Variants in ACTA1 observed in about 807,000 individuals in gnomAD.
The protein encoded by ACTA1 is actin, alpha skeletal muscle.
Under a neutral mutation model 35.8 loss-of-function variants are expected in ACTA1, and 25 were observed. The ratio of observed to expected loss-of-function variants is 0.70; its 90% CI spans 0.51 to 0.97. ACTA1 has a LOEUF of 0.97. Among genes scored for constraint, ACTA1 ranks in the 50% least tolerant of loss-of-function variants. The pLI, the probability that ACTA1 is intolerant of heterozygous loss-of-function variation, is 0.00. For missense variants in ACTA1, 174 were observed against 533.0 expected, an observed-to-expected ratio of 0.33 and a Z score of 6.63; for synonymous variants, 219 against 217.1, an observed-to-expected ratio of 1.01 and a Z score of -0.08.
At position 229,432,365 on chromosome 1, in the gene ACTA1, G is replaced by A. The variant is rs1057519311; in HGVS notation, c.521C>T (p.Pro174Leu). 6.2e-7 allele frequency: 1 copy of A among 1,613,726 alleles called. No individual in the cohort carries two copies. Among genetic ancestry groups the A allele is most frequent in the Non-Finnish European group, 8.5e-7 (1 of 1,179,870 alleles). The part of the protein sequence containing the change: ...NVPIYEGYAL[P>L]HAIMRLDLAG... ...CAGGTCCAGGCGCATGATGGCGTGC[G>A]GCAGCGCGTAGCCCTCATAAATGGG... The change falls in exon 4 of 7, where the codon CCG becomes CTG. Residue 174 changes from proline (P) to leucine (L), a missense_variant. Pro to Leu is a moderately conservative substitution (Grantham distance 98, BLOSUM62 -3). Coordinates refer to ENST00000366684, the MANE Select transcript of ACTA1 (RefSeq NM_001100.4).
Position 229,432,918 on chromosome 1 carries a change from T to C in ACTA1, c.130-38A>G, listed in dbSNP as rs1334924235. The C allele has an allele frequency of 1.9e-6, 3 of 1,613,832 alleles. No individual in the cohort carries two copies. In the South Asian group the frequency reaches 3.3e-5, roughly 18 times the overall value. On this transcript the variant is annotated intron_variant, in intron 2 of 6. Transcript: ENST00000366684. ...GACACCACGCACCCGTTAACGCCGC[T>C]CCGGGTGGCACCAGGCTGGCTTACG...
chr1:229,432,644 G>A lies in ACTA1; in HGVS notation c.366C>T (p.Thr122=), dbSNP rs200258538. ...CGTTGAAGGTCTCAAACATGATCTG[G>A]GTCATCTTCTCGCGGTTGGCCTTGG... The part of the protein sequence containing the change: ...LNPKANREKM[T]QIMFETFNVP... The change falls in exon 3 of 7, where the codon ACC becomes ACT. Residue 122 remains threonine, a synonymous_variant. Transcript: ENST00000366684. 4 of 1,614,114 alleles carry A rather than the reference G, an allele frequency of 2.5e-6. No homozygotes were observed. The East Asian group carries it at 8.9e-5, about 36-fold the overall frequency.
Position 229,431,277 on chromosome 1 carries a change from T to C in ACTA1, c.*222A>G. ...AGCTTAACAGAATGACTTTAATGCT[T>C]CTTCAAGTTTTCCATTTTCTTCCAC... On this transcript the variant is annotated 3_prime_UTR_variant, in exon 7 of 7. Transcript: ENST00000366684. The surrounding 1 kb of genome is among the most constrained non-coding windows in gnomAD (Gnocchi z 7.1). The C allele has an allele frequency of 1.5e-6, 1 of 660,356 alleles. No homozygotes were observed. The highest frequency in any genetic ancestry group is 2.6e-6 in the Non-Finnish European group (1 of 384,692). The allele number at this position is 660,356 out of a possible 1,614,324, so 40.9% of individuals were successfully genotyped here.
chr1:229,432,692 C>T lies in ACTA1; in HGVS notation c.318G>A (p.Leu106=). Reference sequence around the variant, plus strand: ...TGGGATTGAGGGGGGCCTCGGTGAGCAGGGTGGGGTGCTCCTCGGGAGCCA... The same window carrying T: ...TGGGATTGAGGGGGGCCTCGGTGAGTAGGGTGGGGTGCTCCTCGGGAGCCA... ...LRVAPEEHPT[L]LTEAPLNPKA... Residue 106 remains leucine (L), a synonymous_variant, in exon 3 of 7, where the codon CTG becomes CTA. Coordinates refer to ENST00000366684, the MANE Select transcript of ACTA1 (RefSeq NM_001100.4). 6.2e-7 allele frequency: 1 copy of T among 1,614,116 alleles called. No individual in the cohort carries two copies. Among genetic ancestry groups the T allele is most frequent in the South Asian group, 1.1e-5 (1 of 91,076 alleles).
At position 229,431,280 on chromosome 1, in the gene ACTA1, T is replaced by G. The variant is rs528384854; in HGVS notation, c.*219A>C. 2 of 674,856 alleles carry G rather than the reference T, an allele frequency of 3.0e-6. No homozygotes were observed. The highest frequency in any genetic ancestry group is 5.0e-6 in the Non-Finnish European group (2 of 397,038). 41.8% of individuals were successfully genotyped at this position (674,856 alleles called of 1,614,324 possible). A position where few individuals can be genotyped will look rare whatever the true frequency, so the allele number is the denominator to read the frequency against. ...TTAACAGAATGACTTTAATGCTTCT[T>G]CAAGTTTTCCATTTTCTTCCACAGG... On this transcript the variant is annotated 3_prime_UTR_variant, in exon 7 of 7. Coordinates refer to ENST00000366684, the MANE Select transcript of ACTA1 (RefSeq NM_001100.4). This position sits in a 1 kb window ranked among gnomAD's most constrained non-coding sequence, Gnocchi z 7.1.
Position 229,431,583 on chromosome 1 carries a change from C to A in ACTA1, c.1050G>T (p.Ser350=), listed in dbSNP as rs746838863. 9.3e-6 allele frequency: 15 copies of A among 1,611,484 alleles called. No individual in the cohort carries two copies. Among genetic ancestry groups the A allele is most frequent in the Non-Finnish European group, 1.2e-5 (14 of 1,179,254 alleles). The change falls in exon 7 of 7, where the codon TCG becomes TCT. Residue 350 remains serine, a synonymous_variant. Coordinates refer to ENST00000366684, the MANE Select transcript of ACTA1 (RefSeq NM_001100.4). This position sits in a 1 kb window ranked among gnomAD's most constrained non-coding sequence, Gnocchi z 7.1. ...SVWIGGSILA[S]LSTFQQMWIT... ...TCCACATCTGCTGGAAGGTGGACAG[C>A]GAGGCCAGGATGGAGCCGCCGATCC...
At position 229,431,954 on chromosome 1, in the gene ACTA1, G is replaced by A; in HGVS notation, c.808+40C>T. On this transcript the variant is annotated intron_variant, in intron 5 of 6. Transcript: ENST00000366684. The surrounding 1 kb of genome is among the most constrained non-coding windows in gnomAD (Gnocchi z 7.1). ...CAGAAGCTCGGGGCGCCGGGGGCCG[G>A]CGGGGCCTGGGGGCCGGGGCGAGGG... The A allele has an allele frequency of 1.2e-6, 2 of 1,606,770 alleles. No homozygotes were observed. The highest frequency in any genetic ancestry group is 1.7e-6 in the Non-Finnish European group (2 of 1,176,646).
At position 229,431,784 on chromosome 1, in the gene ACTA1, AG is replaced by A; in HGVS notation, c.926del (p.Pro309LeufsTer19). ...NVMSGGTTMY[P>X]GIADRMQKEI... ...CTTTCTGCATGCGGTCAGCGATCCCAGGGTACATCGTGGTGCCCCCCGACAT... is the reference window on the plus strand; with the variant it reads ...CTTTCTGCATGCGGTCAGCGATCCCAGGTACATCGTGGTGCCCCCCGACAT... On this transcript the variant is annotated frameshift_variant, in exon 6 of 7. Transcript: ENST00000366684. LOFTEE classifies it high-confidence loss of function. The surrounding 1 kb of genome is among the most constrained non-coding windows in gnomAD (Gnocchi z 7.1). 3.1e-6 allele frequency: 5 copies of A among 1,614,160 alleles called. No individual in the cohort carries two copies. Among genetic ancestry groups the A allele is most frequent in the Non-Finnish European group, 4.2e-6 (5 of 1,180,024 alleles).
In ACTA1 at chr1:229,433,145, C is replaced by T; in HGVS notation, c.-12-18G>A. Reference sequence around the variant, plus strand: ...TCTAGTTTCTGCAAGGACAGGGAGACCGCGAAGAGGCGCGGTGCATCAGCG... The same window carrying T: ...TCTAGTTTCTGCAAGGACAGGGAGATCGCGAAGAGGCGCGGTGCATCAGCG... On this transcript the variant is annotated intron_variant, in intron 1 of 6. Coordinates refer to ENST00000366684, the MANE Select transcript of ACTA1 (RefSeq NM_001100.4). The T allele has an allele frequency of 1.2e-6, 2 of 1,613,888 alleles. No homozygotes were observed. The highest frequency in any genetic ancestry group is 1.7e-6 in the Non-Finnish European group (2 of 1,179,926).
Position 229,432,356 on chromosome 1 carries a change from A to G in ACTA1, c.530T>C (p.Ile177Thr). Residue 177 changes from isoleucine to threonine, a missense_variant, in exon 4 of 7, where the codon ATC becomes ACC. Transcript: ENST00000366684. ...IYEGYALPHA[I>T]MRLDLAGRDL... is the part of the protein sequence containing the mutation. The stretch of plus-strand genomic sequence containing the variant: ...GCGGCCCGCCAGGTCCAGGCGCATG[A>G]TGGCGTGCGGCAGCGCGTAGCCCTC... 2 of 1,613,720 alleles carry G rather than the reference A, an allele frequency of 1.2e-6. No homozygotes were observed. Among genetic ancestry groups the G allele is most frequent in the Non-Finnish European group, 1.7e-6 (2 of 1,179,836 alleles).
At position 229,432,995 on chromosome 1, in the gene ACTA1, G is replaced by A. The variant is rs1429699993; in HGVS notation, c.121C>T (p.Arg41Ter). The change falls in exon 2 of 7, where the codon CGA (arginine) becomes TGA (stop). Residue 41 changes from arginine to a stop codon, truncating the protein, a stop_gained. Coordinates refer to ENST00000366684, the MANE Select transcript of ACTA1 (RefSeq NM_001100.4). LOFTEE classifies it high-confidence loss of function. ...CGGAGGGGCAGCCTGACCTGGTGTCGGGGGCGGCCCACGATGGACGGGAAC... is the reference window on the plus strand; with the variant it reads ...CGGAGGGGCAGCCTGACCTGGTGTCAGGGGCGGCCCACGATGGACGGGAAC... ...AVFPSIVGRP[R>*]HQGVMVGMGQ... 2 of 1,613,582 alleles carry A rather than the reference G, an allele frequency of 1.2e-6. No homozygotes were observed. The highest frequency in any genetic ancestry group is 1.7e-6 in the Non-Finnish European group (2 of 1,179,742).
Position 229,432,298 on chromosome 1 carries a change from A to T in ACTA1, c.588T>A (p.Thr196=), listed in dbSNP as rs770173089. The T allele has an allele frequency of 9.3e-6, 15 of 1,613,770 alleles. No homozygotes were observed. The highest frequency in any genetic ancestry group is 1.3e-5 in the Non-Finnish European group (15 of 1,179,824). The change falls in exon 4 of 7, where the codon ACT becomes ACA. Residue 196 remains threonine (T), a synonymous_variant. Transcript: ENST00000366684. The part of the protein sequence containing the change: ...DLTDYLMKIL[T]ERGYSFVTTA... ...TGGTCACGAAGGAGTAGCCACGCTC[A>T]GTGAGGATCTTCATCAGGTAGTCGG... is the stretch of plus-strand genomic sequence containing the variant.
chr1:229,431,641 A>T lies in ACTA1; in HGVS notation c.992T>A (p.Ile331Asn). ...ALAPSTMKIK[I>N]IAPPERKYSV... is the part of the protein sequence containing the mutation. The stretch of plus-strand genomic sequence containing the variant: ...GTATTTGCGCTCCGGCGGGGCGATG[A>T]TCTGCAAGACAGCGCGTGAGGTGGG... The change falls in exon 7 of 7, where the codon ATC becomes AAC. Residue 331 changes from isoleucine (I) to asparagine (N), a missense_variant and splice_region_variant. Transcript: ENST00000366684. The surrounding 1 kb of genome is among the most constrained non-coding windows in gnomAD (Gnocchi z 7.1). 6.2e-7 allele frequency: 1 copy of T among 1,613,740 alleles called. No individual in the cohort carries two copies. The highest frequency in any genetic ancestry group is 1.1e-5 in the South Asian group (1 of 91,052).
At position 229,431,689 on chromosome 1, in the gene ACTA1, C is replaced by T. The variant is rs1425666268; in HGVS notation, c.990+32G>A. 3.7e-6 allele frequency: 6 copies of T among 1,613,864 alleles called. No homozygotes were observed. Among genetic ancestry groups the T allele is most frequent in the South Asian group, 3.3e-5 (3 of 91,072 alleles). ...GGGGAGACCTCACCCTGGAGCCCAC[C>T]CCGCCGACAGCCCGCGCAGGCCACC... On this transcript the variant is annotated intron_variant, in intron 6 of 6. Transcript: ENST00000366684. This position sits in a 1 kb window ranked among gnomAD's most constrained non-coding sequence, Gnocchi z 7.1.
rs1213164448 is a variant in ACTA1, at chr1:229,431,622, G to A, written c.1011C>T (p.Arg337=). ...MKIKIIAPPE[R]KYSVWIGGSI... is the part of the protein sequence containing the mutation. ...AGCCGCCGATCCACACCGAGTATTT[G>A]CGCTCCGGCGGGGCGATGATCTGCA... The change falls in exon 7 of 7, where the codon CGC becomes CGT. Residue 337 remains arginine, a synonymous_variant. Coordinates refer to ENST00000366684, the MANE Select transcript of ACTA1 (RefSeq NM_001100.4). This position sits in a 1 kb window ranked among gnomAD's most constrained non-coding sequence, Gnocchi z 7.1. The A allele has an allele frequency of 1.2e-6, 2 of 1,614,114 alleles. No individual in the cohort carries two copies. Among genetic ancestry groups the A allele is most frequent in the South Asian group, 1.1e-5 (1 of 91,082 alleles).
In ACTA1 at chr1:229,431,476, C is replaced by T; in HGVS notation, c.*23G>A. 3 of 1,612,530 alleles carry T rather than the reference C, an allele frequency of 1.9e-6. No homozygotes were observed. The highest frequency in any genetic ancestry group is 2.5e-6 in the Non-Finnish European group (3 of 1,180,010). On this transcript the variant is annotated 3_prime_UTR_variant, in exon 7 of 7. Coordinates refer to ENST00000366684, the MANE Select transcript of ACTA1 (RefSeq NM_001100.4). This position sits in a 1 kb window ranked among gnomAD's most constrained non-coding sequence, Gnocchi z 7.1. ...GAGAAGATTCGTCGTCCTGAGAAGT[C>T]GCGTGCTGGAGGTGGAGTGTGTCTA...
rs1659958672 is a variant in ACTA1, at chr1:229,432,200, A to C, written c.617-15T>G. ...CTCGCGCTCAGCTGCGGAGGGCAGA[A>C]GCAGGAGAGGAGCCCTCACTCAGGG... On this transcript the variant is annotated splice_polypyrimidine_tract_variant and intron_variant, in intron 4 of 6. Transcript: ENST00000366684. 1 of 1,613,228 alleles carries C rather than the reference A, an allele frequency of 6.2e-7. No homozygotes were observed. The highest frequency in any genetic ancestry group is 1.3e-5 in the African/African-American group (1 of 74,866).
rs1571893636 is a variant in ACTA1, at chr1:229,432,572, G to T, written c.438C>A (p.Ala146=). Residue 146 remains alanine (A), a synonymous_variant, in exon 3 of 7, where the codon GCC becomes GCA. Transcript: ENST00000366684. ...VAIQAVLSLY[A]SGRTTGIVLD... The stretch of plus-strand genomic sequence containing the variant: ...GGCACTCACCGGTGGTCCTGCCGGA[G>T]GCGTAGAGGGACAGCACGGCCTGGA... 1 of 1,612,342 alleles carries T rather than the reference G, an allele frequency of 6.2e-7. No individual in the cohort carries two copies. Among genetic ancestry groups the T allele is most frequent in the African/African-American group, 1.3e-5 (1 of 74,792 alleles).
chr1:229,434,057 G>A lies in ACTA1; in HGVS notation c.-66C>T, dbSNP rs605428. ...CGGCTCGGGCCCTGGTCGCCGCGGA[G>A]GGGAAGCGAGGCTTCACTTGGCGCT... On this transcript the variant is annotated 5_prime_UTR_variant, in exon 1 of 7. Coordinates refer to ENST00000366684, the MANE Select transcript of ACTA1 (RefSeq NM_001100.4). 96,175 of 152,132 alleles carry A rather than the reference G, an allele frequency of 0.63. 31,059 individuals are homozygous for A. The highest frequency in any genetic ancestry group is 0.77 in the Middle Eastern group (228 of 296). The allele number at this position is 152,132 out of a possible 1,614,324, so 9.4% of individuals were successfully genotyped here. A position where few individuals can be genotyped will look rare whatever the true frequency, so the allele number is the denominator to read the frequency against.
Sources: gnomAD v4.1 joint callset for allele counts on GRCh38, gnomAD v4.1.1 for gene constraint, Gnocchi (gnomAD v3.1) non-coding constraint, MANE v1.5 for transcripts, NCBI Gene and HGNC (gene_info 2026-07-23, HGNC 2026-07-21) for gene names.